The following WDR59 variants were observed in gnomAD, a reference collection of about 807,000 sequenced individuals.
WDR59 encodes GATOR2 complex protein WDR59.
In WDR59, 100 loss-of-function variants were observed where a neutral mutation model predicts 131.2. The observed-to-expected ratio is 0.76, with a 90% confidence interval of 0.65 to 0.90. The LOEUF (loss-of-function observed/expected upper bound fraction) is 0.90. WDR59 is among the 40% of genes least tolerant of loss of function. WDR59 has a pLI of 0.00. For synonymous variants in WDR59, 601 were observed against 466.2 expected, an observed-to-expected ratio of 1.29 and a Z score of -3.72; for missense variants, 1,203 against 1,262.2, an observed-to-expected ratio of 0.95 and a Z score of 0.71.
chr16:74,983,540 G>C (rs2145276456), intron 1 of WDR59, among the ~76,000 whole-genome samples: 1 of 152,206 alleles, frequency 6.6e-6, no homozygotes, highest in Middle Eastern at 3.4e-3. Flanking sequence ...TGCTGGGGAA[G>C]AGGGGATGTA....
intron 8 of WDR59, among the ~76,000 whole-genome samples, chr16:74,937,734 T>C (rs765817451): frequency 5.3e-5 from 8 of 152,176 alleles, no homozygotes; most frequent in South Asian, 2.1e-4. Flanking sequence ...ACTCCTGACC[T>C]TAAGTGATCT....
At chr16:74,966,685 T>C (rs920155410) in intron 1 of WDR59, among the ~76,000 whole-genome samples, 1 of 152,072 alleles carries the variant, frequency 6.6e-6, no homozygotes, top group Non-Finnish European at 1.5e-5. Flanking sequence ...CATATGGCAG[T>C]TGGCAATATT....
At chr16:74,918,045 T>C in intron 10 of WDR59, 37 bp from the exon 11 acceptor site, 1 of 1,595,436 alleles carries the variant, frequency 6.3e-7, no homozygotes, top group Non-Finnish European at 8.6e-7. Context: ...GAAATTCTTC[T>C]GGATTCAACG....
chr16:74,873,896 A>T lies in WDR59; in HGVS notation c.*313T>A, dbSNP rs969426450. The T allele has an allele frequency of 4.4e-5, 16 of 360,522 alleles. No individual in the cohort carries two copies. Among genetic ancestry groups the T allele is most frequent in the Non-Finnish European group, 7.8e-5 (15 of 191,748 alleles). 22.3% of individuals were successfully genotyped at this position (360,522 alleles called of 1,614,324 possible). Reference sequence around the variant, plus strand: ...CTAACACCTTACAGGGTAACACTGTAACACTGGCCCTGGAGCCAGGTGCTT... The same window carrying T: ...CTAACACCTTACAGGGTAACACTGTTACACTGGCCCTGGAGCCAGGTGCTT... On this transcript the variant is annotated 3_prime_UTR_variant, in exon 26 of 26. Transcript: ENST00000262144.
chr16:74,942,211 A>G (rs2032287656), intron 7 of WDR59, among the ~76,000 whole-genome samples: 1 of 152,172 alleles, frequency 6.6e-6, no homozygotes, highest in African/African-American at 2.4e-5. Context: ...TGATATGCAC[A>G]ATACTTTGAG....
chr16:74,919,106 C>G (rs2029892498), intron 10 of WDR59, among the ~76,000 whole-genome samples: 1 of 152,138 alleles, frequency 6.6e-6, no homozygotes, highest in Non-Finnish European at 1.5e-5. Flanking sequence ...ACCCCTCGAC[C>G]TGTGCCTCCC....
intron 9 of WDR59, 64 bp downstream of exon 9, chr16:74,923,862 G>A: frequency 7.1e-7 from 1 of 1,409,714 alleles, no homozygotes; most frequent in South Asian, 1.3e-5. Flanking sequence ...AATGTCCCCG[G>A]GCTCCTTCTT....
At chr16:74,981,212 T>C (rs2034391048) in intron 1 of WDR59, among the ~76,000 whole-genome samples, 1 of 150,606 alleles carries the variant, frequency 6.6e-6, no homozygotes, top group African/African-American at 2.4e-5. Context: ...AAAAAAAATA[T>C]ATATATACAA....
rs763446353 is a variant in WDR59 at position 74,909,812 on chromosome 16, T to G, written c.1485+10A>C. On this transcript the variant is annotated intron_variant, in intron 15 of 25. Transcript: ENST00000262144. ...AGCCTAAGTTGGTATGACAGTTTCA[T>G]GCTTCCCACCACAAAGGACTCAAGG... is the stretch of plus-strand genomic sequence containing the variant. 1 of 1,608,018 alleles carries G rather than the reference T, an allele frequency of 6.2e-7. No homozygotes were observed.
chr16:74,921,637 C>T (rs1316753770), intron 10 of WDR59, among the ~76,000 whole-genome samples: 1 of 152,188 alleles, frequency 6.6e-6, no homozygotes, highest in African/African-American at 2.4e-5. Flanking sequence ...CTTCTGAGCC[C>T]AGAGTCTTTC....
chr16:74,900,994 G>A (rs1054292758), intron 18 of WDR59, among the ~76,000 whole-genome samples: 49 of 152,350 alleles, frequency 3.2e-4, no homozygotes, highest in African/African-American at 1.1e-3. Context: ...AGCTACTTGG[G>A]AGGCTAAGGC....
chr16:74,977,389 A>G (rs1398958914), intron 1 of WDR59, among the ~76,000 whole-genome samples: 1 of 152,162 alleles, frequency 6.6e-6, no homozygotes, highest in Non-Finnish European at 1.5e-5. Flanking sequence ...TTCTTAATCT[A>G]TAAGAAAGAG....
chr16:74,952,385 T>C lies in WDR59; in HGVS notation c.241-842A>G, dbSNP rs960521627. ...TGAGCCTGGGAGGTCGAGGCAATAG[T>C]AAGCTGTGATTGTGCCACTGTACTC... On this transcript the variant is annotated intron_variant, in intron 3 of 25. Transcript: ENST00000262144. Among the ~76,000 whole-genome samples the C allele has an allele frequency of 9.6e-5, 13 of 135,060 alleles. No individual in the cohort carries two copies. The Admixed American group carries it at 1.0e-3, about 11-fold the overall frequency. The allele number at this position is 135,060 out of a possible 152,430, so 88.6% of individuals were successfully genotyped here.
intron 17 of WDR59, among the ~76,000 whole-genome samples, chr16:74,906,279 A>G (rs541522378): frequency 7.6e-6 from 1 of 132,006 alleles, no homozygotes; most frequent in Non-Finnish European, 1.6e-5. Flanking sequence ...CAGTCAATAC[A>G]CTCCAGCCTG....
Position 74,948,548 on chromosome 16 carries a change from C to A in WDR59, c.416G>T (p.Arg139Met). 1.2e-6 allele frequency: 2 copies of A among 1,613,462 alleles called. No individual in the cohort carries two copies. Among genetic ancestry groups the A allele is most frequent in the Non-Finnish European group, 1.7e-6 (2 of 1,179,436 alleles). The change falls in exon 6 of 26, where the codon AGG becomes ATG. Residue 139 changes from arginine (R) to methionine (M), a missense_variant. Arg to Met is a moderately conservative substitution (Grantham distance 91). Coordinates refer to ENST00000262144, the MANE Select transcript of WDR59 (RefSeq NM_030581.4). ...AGCAGACAGTGCAACAGTAGGTTTC[C>A]TTGTGTCTCTGAAATATAAAAATAA... is the stretch of plus-strand genomic sequence containing the variant. ...YIYIWDIKDT[R>M]KPTVALSAVA...
At chr16:74,982,607 A>G (rs1297519214) in intron 1 of WDR59, among the ~76,000 whole-genome samples, 1 of 152,222 alleles carries the variant, frequency 6.6e-6, no homozygotes, top group East Asian at 1.9e-4. Context: ...GCTTAGAGGC[A>G]TGATACATGA....
intron 1 of WDR59, among the ~76,000 whole-genome samples, chr16:74,974,663 G>A (rs1011395006): frequency 2.0e-5 from 3 of 152,282 alleles, no homozygotes; most frequent in Middle Eastern, 3.4e-3. Flanking sequence ...TACAAACGAC[G>A]TAGTTTACGC....
chr16:74,875,826 A>T (rs866249407), intron 25 of WDR59, among the ~76,000 whole-genome samples: 6 of 152,186 alleles, frequency 3.9e-5, no homozygotes, highest in African/African-American at 1.4e-4. Flanking sequence ...CAAGAGGCTG[A>T]GCAATCCTGG....
chr16:74,877,444 T>G (rs1463186922), intron 25 of WDR59, among the ~76,000 whole-genome samples: 2 of 151,524 alleles, frequency 1.3e-5, no homozygotes, highest in African/African-American at 4.9e-5. Flanking sequence ...ATTTTTGGTG[T>G]TTTTTGTCAT....
Sources: allele counts gnomAD v4.1 joint callset (sites outside exome capture counted in the v4.1 genomes callset), GRCh38; gene constraint gnomAD v4.1.1; transcripts MANE v1.5; gene names NCBI Gene and HGNC (gene_info 2026-07-23, HGNC 2026-07-21).